Variants in PLEKHG6 observed in about 807,000 individuals in gnomAD.
PLEKHG6 encodes the protein pleckstrin homology domain-containing family G member 6.
PLEKHG6 carries 91 observed loss-of-function variants against 97.5 expected under a neutral mutation model. The observed-to-expected ratio is 0.93, with a 90% CI of 0.79 to 1.11. The LOEUF (loss-of-function observed/expected upper bound fraction) is 1.11. PLEKHG6 is among the 50% of genes most tolerant of loss of function. PLEKHG6 has a pLI of 0.00. For synonymous variants in PLEKHG6, 466 were observed against 425.5 expected (o/e 1.10, Z -1.17); for missense variants, 1,044 against 1,031.0 (o/e 1.01, Z -0.17).
At chr12:6,326,628 G>A (rs977425699) in intron 14 of PLEKHG6, 55 bp downstream of exon 14, 2 of 1,385,060 alleles carry the variant, frequency 1.4e-6, no homozygotes, top group Admixed American at 3.2e-5. Flanking sequence ...GAGCCATAAG[G>A]CTGAGAAATG....
Position 6,327,799 on chromosome 12 carries a change from T to C in PLEKHG6, c.2216T>C (p.Leu739Pro). The change falls in exon 15 of 16, where the codon CTC becomes CCC. Residue 739 changes from leucine to proline, a missense_variant. Transcript: ENST00000684764. ...SLRPMRAEDMLREIREELASQ... is the reference protein window; with the variant it reads ...SLRPMRAEDMPREIREELASQ... ...CGCCCAATGCGGGCTGAGGACATGC[T>C]CAGAGAGATCCGGGAGGAGCTGGCC... 1 of 1,518,082 alleles carries C rather than the reference T, an allele frequency of 6.6e-7. No homozygotes were observed. The highest frequency in any genetic ancestry group is 8.8e-7 in the Non-Finnish European group (1 of 1,134,798). The allele number at this position is 1,518,082 out of a possible 1,614,324, so 94.0% of individuals were successfully genotyped here. A position where few individuals can be genotyped will look rare whatever the true frequency, so the allele number is the denominator to read the frequency against.
intron 13 of PLEKHG6, among the ~76,000 whole-genome samples, chr12:6,323,013 C>T (rs925697912): frequency 6.6e-6 from 1 of 152,244 alleles, no homozygotes; most frequent in Non-Finnish European, 1.5e-5. Context: ...GTGGGGCTGG[C>T]AGTGAATGGC....
At chr12:6,313,914 T>C in intron 3 of PLEKHG6, 130 bp downstream of exon 3, 2 of 798,990 alleles carry the variant, frequency 2.5e-6, no homozygotes, top group South Asian at 3.8e-5. Context: ...CAGACATGGC[T>C]CTGCCTAGGA....
intron 3 of PLEKHG6, 87 bp downstream of exon 3, chr12:6,313,871 G>A (rs1310370051): frequency 2.3e-6 from 3 of 1,287,922 alleles, no homozygotes; most frequent in Non-Finnish European, 2.1e-6. Flanking sequence ...CGGGAGCTGA[G>A]AACACAGGTC....
Position 6,316,539 on chromosome 12 carries a change from T to C in PLEKHG6, c.756+135T>C, listed in dbSNP as rs998561978. The C allele has an allele frequency of 6.9e-5, 50 of 725,254 alleles. No individual in the cohort carries two copies. Among genetic ancestry groups the C allele is most frequent in the Non-Finnish European group, 1.0e-4 (48 of 474,660 alleles). 44.9% of individuals were successfully genotyped at this position (725,254 alleles called of 1,614,324 possible). A position where few individuals can be genotyped will look rare whatever the true frequency, so the allele number is the denominator to read the frequency against. ...CAGGACACAGCCCCTACCCCTAATA[T>C]CACCTCACCTCCTCCCTTCATGCCA... On this transcript the variant is annotated intron_variant, in intron 7 of 15. Transcript: ENST00000684764. The surrounding 1 kb of genome is among the most constrained non-coding windows in gnomAD (Gnocchi z 4.1).
intron 2 of PLEKHG6, 63 bp from the exon 3 acceptor site, chr12:6,313,566 T>C: frequency 2.5e-6 from 4 of 1,584,882 alleles, no homozygotes; most frequent in Non-Finnish European, 3.4e-6. Flanking sequence ...GCCCCCCTAC[T>C]ACCTCTCTGG....
At chr12:6,318,911 CCTCTT>C in intron 12 of PLEKHG6, 34 bp downstream of exon 12, 3 of 1,614,062 alleles carry the variant, frequency 1.9e-6, no homozygotes, top group Non-Finnish European at 2.5e-6. Context: ...TTTTCTTCTC[CCTCTT>C]CTCAGCGAGG....
intron 13 of PLEKHG6, among the ~76,000 whole-genome samples, chr12:6,324,830 G>A (rs187349978): frequency 4.9e-4 from 75 of 152,304 alleles, no homozygotes; most frequent in African/African-American, 1.8e-3. Context: ...AGGTGCCCAG[G>A]AGTTGCTGGC....
rs375132579 is a variant in PLEKHG6 at position 6,315,675 on chromosome 12, G to A, written c.555+26G>A. 56 of 1,437,414 alleles carry A rather than the reference G, an allele frequency of 3.9e-5. No homozygotes were observed. Among genetic ancestry groups the A allele is most frequent in the African/African-American group, 2.5e-4 (18 of 70,910 alleles). The allele number at this position is 1,437,414 out of a possible 1,614,324, so 89.0% of individuals were successfully genotyped here. ...GTGAGCCCCCCTCAGCCCCAGCCCC[G>A]GCCCCATCTTCCCTGCATGAGCCCC... On this transcript the variant is annotated intron_variant, in intron 5 of 15. Transcript: ENST00000684764. This position sits in a 1 kb window ranked among gnomAD's most constrained non-coding sequence, Gnocchi z 4.5.
chr12:6,312,714 C>A, intron 2 of PLEKHG6: 1 of 1,166,716 alleles, frequency 8.6e-7, no homozygotes, highest in Non-Finnish European at 1.1e-6. Context: ...TTGAGGCCTT[C>A]CTGAGATCTG....
intron 13 of PLEKHG6, 103 bp downstream of exon 13, chr12:6,319,211 G>T (rs1406597727): frequency 2.6e-6 from 2 of 763,722 alleles, no homozygotes; most frequent in Non-Finnish European, 4.3e-6. Flanking sequence ...ACTTTGGGAG[G>T]CTGAGGCAGG....
At chr12:6,312,596 G>A (rs1277735382) in intron 2 of PLEKHG6, 34 of 1,296,964 alleles carry the variant, frequency 2.6e-5, no homozygotes, top group Non-Finnish European at 3.1e-5. Flanking sequence ...GAGAAGCCAG[G>A]CCCTCCGAGG....
intron 14 of PLEKHG6, 50 bp downstream of exon 14, chr12:6,326,623 A>G: frequency 7.1e-7 from 1 of 1,405,780 alleles, no homozygotes; most frequent in Non-Finnish European, 9.3e-7. Context: ...GGAGGGAGCC[A>G]TAAGGCTGAG....
chr12:6,316,210 G>T lies in PLEKHG6; in HGVS notation c.607-45G>T. The T allele has an allele frequency of 6.6e-7, 1 of 1,511,336 alleles. No homozygotes were observed. Among genetic ancestry groups the T allele is most frequent in the East Asian group, 2.5e-5 (1 of 40,720 alleles). 93.6% of individuals were successfully genotyped at this position (1,511,336 alleles called of 1,614,324 possible). A position where few individuals can be genotyped will look rare whatever the true frequency, so the allele number is the denominator to read the frequency against. On this transcript the variant is annotated intron_variant, in intron 6 of 15. Coordinates refer to ENST00000684764, the MANE Select transcript of PLEKHG6 (RefSeq NM_001384598.1). This position sits in a 1 kb window ranked among gnomAD's most constrained non-coding sequence, Gnocchi z 4.1. Reference sequence around the variant, plus strand: ...CTTTCCTCAGCCAGTGCCACCCCTGGGGACCTTCCAAAAGTGTGCTGCTCA... The same window carrying T: ...CTTTCCTCAGCCAGTGCCACCCCTGTGGACCTTCCAAAAGTGTGCTGCTCA...
In PLEKHG6 at chr12:6,317,295, C is replaced by G. The variant is rs370045728; in HGVS notation, c.757-8C>G. The G allele has an allele frequency of 3.8e-6, 6 of 1,589,162 alleles. No individual in the cohort carries two copies. The highest frequency in any genetic ancestry group is 5.2e-6 in the Non-Finnish European group (6 of 1,157,546). ...CCTGCTCCCCACCTCCCGTATCTGT[C>G]TCTCCAGTTTGGCCAGCGGTTCCAC... On this transcript the variant is annotated splice_polypyrimidine_tract_variant and splice_region_variant and intron_variant, in intron 7 of 15. Transcript: ENST00000684764.
intron 1 of PLEKHG6, 66 bp from the exon 2 acceptor site, chr12:6,312,093 G>A: frequency 3.0e-6 from 2 of 675,168 alleles, no homozygotes; most frequent in Non-Finnish European, 4.5e-6. Context: ...TACCAGCCTT[G>A]GTCTCCCGCC....
chr12:6,316,525 C>A lies in PLEKHG6; in HGVS notation c.756+121C>A. ...GATTTGAGGGGCCGCAGGACACAGC[C>A]CCTACCCCTAATATCACCTCACCTC... On this transcript the variant is annotated intron_variant, in intron 7 of 15. Transcript: ENST00000684764. The surrounding 1 kb of genome is among the most constrained non-coding windows in gnomAD (Gnocchi z 4.1). The A allele has an allele frequency of 1.1e-6, 1 of 904,214 alleles. No individual in the cohort carries two copies. The highest frequency in any genetic ancestry group is 1.6e-6 in the Non-Finnish European group (1 of 624,192). The allele number at this position is 904,214 out of a possible 1,614,324, so 56.0% of individuals were successfully genotyped here.
At chr12:6,324,602 T>C (rs1229622929) in intron 13 of PLEKHG6, among the ~76,000 whole-genome samples, 1 of 152,140 alleles carries the variant, frequency 6.6e-6, no homozygotes, top group East Asian at 1.9e-4. Flanking sequence ...GTCCCGGCCC[T>C]GGCAGGTTTC....
Position 6,314,995 on chromosome 12 carries a change from G to T in PLEKHG6, c.295-10G>T. The T allele has an allele frequency of 6.2e-7, 1 of 1,611,536 alleles. No individual in the cohort carries two copies. The highest frequency in any genetic ancestry group is 8.5e-7 in the Non-Finnish European group (1 of 1,178,760). ...GTGACCAGAGCTGATGCCCTTCTCG[G>T]CTCCCCCAGGAACTCACCAAGGCCC... On this transcript the variant is annotated splice_polypyrimidine_tract_variant and intron_variant, in intron 3 of 15. Coordinates refer to ENST00000684764, the MANE Select transcript of PLEKHG6 (RefSeq NM_001384598.1).
Sources: allele counts gnomAD v4.1 joint callset (sites outside exome capture counted in the v4.1 genomes callset), GRCh38; gene constraint gnomAD v4.1.1; non-coding constraint Gnocchi (gnomAD v3.1); transcripts MANE v1.5; gene names NCBI Gene and HGNC (gene_info 2026-07-23, HGNC 2026-07-21).